The following PIAS2 variants were observed in gnomAD, a reference collection of about 807,000 sequenced individuals.
The protein encoded by PIAS2 is E3 SUMO-protein ligase PIAS2.
In PIAS2, 19 loss-of-function variants were observed where a neutral mutation model predicts 69.7. The ratio of observed to expected loss-of-function variants is 0.27; its 90% CI spans 0.19 to 0.40. The LOEUF (loss-of-function observed/expected upper bound fraction) is 0.40, where lower values mean the gene tolerates loss of function less well. Among genes scored for constraint, PIAS2 ranks in the 10% least tolerant of loss-of-function variants. PIAS2 has a pLI of 1.00. For synonymous variants in PIAS2, 261 were observed against 263.2 expected (o/e 0.99, Z 0.08); for missense variants, 624 against 757.0 (o/e 0.82, Z 2.06).
At chr18:46,815,543 A>G (rs1036742984) in intron 12 of PIAS2, 194 bp from the exon 13 acceptor site, 2 of 985,214 alleles carry the variant, frequency 2.0e-6, no homozygotes, top group African/African-American at 3.5e-5. Flanking sequence ...CTCTGATAAA[A>G]CAACTGGAAA....
At position 46,842,672 on chromosome 18, in the gene PIAS2, C is replaced by T. The variant is rs544377886; in HGVS notation, c.1041+1382G>A. ...ATCAATTTTGATTTTAACATGAGAG[C>T]GAAGAAAAGTATAATAACCTGAAGA... On this transcript the variant is annotated intron_variant, in intron 8 of 13. Coordinates refer to ENST00000585916, the MANE Select transcript of PIAS2 (RefSeq NM_004671.5). Among the ~76,000 whole-genome samples the T allele has an allele frequency of 3.9e-5, 6 of 152,156 alleles. No individual in the cohort carries two copies. The South Asian group carries it at 8.3e-4, about 21-fold the overall frequency.
intron 1 of PIAS2, among the ~76,000 whole-genome samples, chr18:46,892,275 C>T (rs747349121): frequency 1.3e-5 from 2 of 152,120 alleles, no homozygotes; most frequent in African/African-American, 2.4e-5. Flanking sequence ...TACTAAAATG[C>T]AAACAGATTT....
Sources: gnomAD v4.1 joint callset for allele counts (sites outside exome capture counted in the v4.1 genomes callset) on GRCh38, gnomAD v4.1.1 for gene constraint, MANE v1.5 for transcripts, NCBI Gene and HGNC (gene_info 2026-07-23, HGNC 2026-07-21) for gene names.